CFAP99: variants seen among roughly 807,000 people sequenced by gnomAD.
CFAP99 encodes cilia and flagella associated protein 99, also known as cilia- and flagella-associated protein 99.
A neutral mutation model predicts 82.7 loss-of-function variants in CFAP99; 84 were observed. The ratio of observed to expected loss-of-function variants is 1.02; its 90% CI spans 0.85 to 1.22. The LOEUF (loss-of-function observed/expected upper bound fraction) is 1.22, where lower values mean the gene tolerates loss of function less well. CFAP99 is among the 50% of genes most tolerant of loss of function. The pLI, the probability that CFAP99 is intolerant of heterozygous loss-of-function variation, is 0.00. For missense variants in CFAP99, 1,059 were observed against 983.5 expected, an observed-to-expected ratio of 1.08 and a Z score of -1.03; for synonymous variants, 456 against 429.5, an observed-to-expected ratio of 1.06 and a Z score of -0.76.
intron 7 of CFAP99, 28 bp from the exon 8 acceptor site, chr4:2,449,906 G>A (rs989254020): frequency 9.8e-6 from 15 of 1,535,860 alleles, no homozygotes; most frequent in African/African-American, 9.6e-5. Flanking sequence ...AGGCTGGTGG[G>A]ACTGGAGCCG....
chr4:2,461,375 G>A (rs1159686029), intron 14 of CFAP99, among the ~76,000 whole-genome samples: 4 of 152,298 alleles, frequency 2.6e-5, no homozygotes, highest in South Asian at 2.1e-4. Flanking sequence ...ATGGCGGGGC[G>A]GACAGAAGGA....
intron 13 of CFAP99, among the ~76,000 whole-genome samples, chr4:2,459,662 C>T (rs1375258757): frequency 6.6e-6 from 1 of 152,196 alleles, no homozygotes; most frequent in Non-Finnish European, 1.5e-5. Flanking sequence ...TGTGAGAAGG[C>T]ATGATGAGGG....
chr4:2,431,812 G>A (rs1172136948), intron 2 of CFAP99, among the ~76,000 whole-genome samples: 1 of 151,888 alleles, frequency 6.6e-6, no homozygotes, highest in African/African-American at 2.4e-5. Context: ...CACCTCCCAG[G>A]TTCAAGCAAT....
intron 4 of CFAP99, among the ~76,000 whole-genome samples, chr4:2,442,049 C>T (rs1164440053): frequency 3.9e-5 from 6 of 152,172 alleles, no homozygotes; most frequent in Non-Finnish European, 5.9e-5. Context: ...CAGCAGGTTC[C>T]GGGTAGGGCT....
chr4:2,422,126 T>G (rs1733597384), intron 1 of CFAP99, among the ~76,000 whole-genome samples: 1 of 152,210 alleles, frequency 6.6e-6, no homozygotes, highest in South Asian at 2.1e-4. Context: ...GTTGGATGAA[T>G]TTTAGTACCT....
At chr4:2,455,745 T>G (rs1734412255) in intron 11 of CFAP99, among the ~76,000 whole-genome samples, 1 of 152,226 alleles carries the variant, frequency 6.6e-6, no homozygotes, top group Admixed American at 6.5e-5. Flanking sequence ...ATTCTCAGTC[T>G]TCTCTACTGG....
chr4:2,424,013 G>A lies in CFAP99; in HGVS notation c.-17-2446G>A, dbSNP rs76909636. 2.9e-3 allele frequency among the ~76,000 whole-genome samples: 446 copies of A among 152,358 alleles called. 9 individuals carry two copies. The East Asian group carries it at 0.03, about 10-fold the overall frequency. ...TCTCCAGGGCCTGTTTTCAGCACCA[G>A]GGCTTCAAGCCAGATTTCCAAATTC... On this transcript the variant is annotated intron_variant, in intron 1 of 14. Transcript: ENST00000635017.
intron 9 of CFAP99, 46 bp downstream of exon 9, chr4:2,451,064 AC>A (rs5855732): frequency 0.25 from 382,769 of 1,513,138 alleles, 50,062 homozygotes; most frequent in African/African-American, 0.32. Context: ...CTGGGCACCC[AC>A]CCCTCCAGAC....
chr4:2,455,024 A>G (rs1356924563), intron 11 of CFAP99, among the ~76,000 whole-genome samples: 1 of 151,852 alleles, frequency 6.6e-6, no homozygotes, highest in Non-Finnish European at 1.5e-5. Flanking sequence ...GGCTCAAACC[A>G]TCCTCCCATC....
chr4:2,442,301 C>A (rs1734060188), intron 4 of CFAP99, among the ~76,000 whole-genome samples: 1 of 152,028 alleles, frequency 6.6e-6, no homozygotes, highest in African/African-American at 2.4e-5. Flanking sequence ...GAAAATGGCC[C>A]CCTTGAGGGA....
intron 1 of CFAP99, among the ~76,000 whole-genome samples, chr4:2,423,690 C>G (rs1054984092): frequency 2.0e-5 from 3 of 152,256 alleles, no homozygotes; most frequent in African/African-American, 7.2e-5. Context: ...CACCCACAAA[C>G]CTCTCTCATC....
intron 4 of CFAP99, among the ~76,000 whole-genome samples, chr4:2,439,302 A>G (rs1426347031): frequency 6.6e-6 from 1 of 152,216 alleles, no homozygotes; most frequent in East Asian, 1.9e-4. Flanking sequence ...CAAGACTTTT[A>G]GCCACTGGCT....
At chr4:2,437,774 G>C (rs1228697809) in intron 3 of CFAP99, among the ~76,000 whole-genome samples, 1 of 152,194 alleles carries the variant, frequency 6.6e-6, no homozygotes, top group East Asian at 1.9e-4. Flanking sequence ...CGATTCAGCT[G>C]CTCAGAAATT....
chr4:2,445,412 G>C (rs1734142986), intron 6 of CFAP99, 104 bp downstream of exon 6: 1 of 1,046,302 alleles, frequency 9.6e-7, no homozygotes. Context: ...TCCCCCCAGG[G>C]CTGAGGGTGC....
chr4:2,452,625 T>G (rs1734332368), intron 11 of CFAP99, among the ~76,000 whole-genome samples: 1 of 152,176 alleles, frequency 6.6e-6, no homozygotes, highest in Non-Finnish European at 1.5e-5. Context: ...GCCTGTATAC[T>G]CTCTCCTGGG....
chr4:2,437,576 G>A (rs997094049), intron 3 of CFAP99, among the ~76,000 whole-genome samples: 6 of 152,160 alleles, frequency 3.9e-5, no homozygotes, highest in African/African-American at 1.4e-4. Flanking sequence ...GCGCTGTAGG[G>A]TACTGGGAGA....
At chr4:2,459,540 G>A (rs757320650) in intron 13 of CFAP99, among the ~76,000 whole-genome samples, 12 of 152,224 alleles carry the variant, frequency 7.9e-5, no homozygotes, top group Non-Finnish European at 1.6e-4. Context: ...GGAGCTGCCT[G>A]TTGAGGGAGG....
At chr4:2,450,492 T>C in intron 8 of CFAP99, 1 of 270,288 alleles carries the variant, frequency 3.7e-6, no homozygotes, top group Non-Finnish European at 7.3e-6. Context: ...AATGACCGAG[T>C]GCTCAGAGGG....
intron 2 of CFAP99, among the ~76,000 whole-genome samples, chr4:2,429,829 G>C (rs2108712858): frequency 6.6e-6 from 1 of 152,246 alleles, no homozygotes; most frequent in Middle Eastern, 3.4e-3. Flanking sequence ...CTGACCTTGT[G>C]ATCCGCCCGC....
Sources: allele counts gnomAD v4.1 joint callset (sites outside exome capture counted in the v4.1 genomes callset), GRCh38; gene constraint gnomAD v4.1.1; transcripts MANE v1.5; gene names NCBI Gene and HGNC (gene_info 2026-07-23, HGNC 2026-07-21).